MAPK10: variants seen among roughly 807,000 people sequenced by gnomAD.
The protein encoded by MAPK10 is JNK3 alpha protein kinase.
A neutral mutation model predicts 59.3 loss-of-function variants in MAPK10; 25 were observed. The observed-to-expected ratio is 0.42, with a 90% confidence interval of 0.31 to 0.59. The LOEUF (loss-of-function observed/expected upper bound fraction) is 0.59, where lower values mean the gene tolerates loss of function less well. Among genes scored for constraint, MAPK10 ranks in the 20% least tolerant of loss-of-function variants. The pLI, the probability that MAPK10 is intolerant of heterozygous loss-of-function variation, is 0.15. For synonymous variants in MAPK10, 190 were observed against 200.5 expected (o/e 0.95, Z 0.44); for missense variants, 351 against 568.9 (o/e 0.62, Z 3.90).
At chr4:86,108,323 G>A (rs374457183) in intron 4 of MAPK10, among the ~76,000 whole-genome samples, 1 of 152,074 alleles carries the variant, frequency 6.6e-6, no homozygotes, top group Non-Finnish European at 1.5e-5. Flanking sequence ...ACCTAATGAT[G>A]CACTCACAAA....
Position 86,017,495 on chromosome 4 carries a change from C to T in MAPK10, c.1253-125G>A, listed in dbSNP as rs1395508174. The T allele has an allele frequency of 3.0e-6, 3 of 998,196 alleles. No individual in the cohort carries two copies. The Admixed American group carries it at 6.4e-5, about 21-fold the overall frequency. The allele number at this position is 998,196 out of a possible 1,614,324, so 61.8% of individuals were successfully genotyped here. A position where few individuals can be genotyped will look rare whatever the true frequency, so the allele number is the denominator to read the frequency against. The stretch of plus-strand genomic sequence containing the variant: ...CCAGTCCATCAATCATTTGGCAAGC[C>T]TTTATAGAGCAGCTGACATAGGGGA... On this transcript the variant is annotated intron_variant, in intron 13 of 13. Coordinates refer to ENST00000641462, the MANE Select transcript of MAPK10 (RefSeq NM_138982.4). The surrounding 1 kb of genome is among the most constrained non-coding windows in gnomAD (Gnocchi z 4.4).
intron 1 of MAPK10, among the ~76,000 whole-genome samples, chr4:86,584,771 A>C (rs1050592162): frequency 1.3e-5 from 2 of 152,108 alleles, no homozygotes; most frequent in African/African-American, 4.8e-5. Context: ...ATGTAACTGG[A>C]ATCTAGTTTG....
chr4:86,245,462 C>T (rs1329743875), intron 2 of MAPK10, among the ~76,000 whole-genome samples: 1 of 151,910 alleles, frequency 6.6e-6, no homozygotes, highest in East Asian at 1.9e-4. Flanking sequence ...CAGATGCACG[C>T]CATCACACCT....
At chr4:86,516,347 C>T (rs1756659383) in intron 1 of MAPK10, among the ~76,000 whole-genome samples, 2 of 151,902 alleles carry the variant, frequency 1.3e-5, no homozygotes, top group Admixed American at 1.3e-4. Flanking sequence ...TTTATTTAGT[C>T]TTGCTTTGGA....
chr4:86,546,384 C>A (rs1389164331), intron 1 of MAPK10, among the ~76,000 whole-genome samples: 4 of 147,940 alleles, frequency 2.7e-5, no homozygotes, highest in Non-Finnish European at 1.5e-5. Context: ...CCTGTCTCTA[C>A]TAAAAATACA....
intron 13 of MAPK10, chr4:86,027,727 A>G (rs1303349314): frequency 2.6e-5 from 4 of 152,262 alleles, no homozygotes; most frequent in Non-Finnish European, 5.9e-5. Flanking sequence ...CACAGCACCC[A>G]GGCACTACAT....
intron 4 of MAPK10, among the ~76,000 whole-genome samples, chr4:86,116,082 A>G (rs988637859): frequency 6.6e-6 from 1 of 152,266 alleles, no homozygotes; most frequent in Non-Finnish European, 1.5e-5. Flanking sequence ...CTCAAAGACA[A>G]GAACTAAATC....
chr4:86,194,412 AG>A lies in MAPK10; in HGVS notation c.-6-6del. On this transcript the variant is annotated splice_polypyrimidine_tract_variant and splice_region_variant and intron_variant, in intron 2 of 13. Transcript: ENST00000641462. Reference sequence around the variant, plus strand: ...GAAATGGAGGCTCATAAATACCTAGAGGAAAAAGAAATGGAGCATAAATTTT... The same window carrying A: ...GAAATGGAGGCTCATAAATACCTAGAGAAAAAGAAATGGAGCATAAATTTT... 1 of 1,518,340 alleles carries A rather than the reference AG, an allele frequency of 6.6e-7. No homozygotes were observed. The highest frequency in any genetic ancestry group is 9.1e-7 in the Non-Finnish European group (1 of 1,093,684). 94.1% of individuals were successfully genotyped at this position (1,518,340 alleles called of 1,614,324 possible).
chr4:86,279,886 A>T (rs890426375), intron 2 of MAPK10, among the ~76,000 whole-genome samples: 1 of 152,204 alleles, frequency 6.6e-6, no homozygotes, highest in African/African-American at 2.4e-5. Context: ...CTGGATCTCC[A>T]GTGCTCCTGC....
intron 11 of MAPK10, among the ~76,000 whole-genome samples, chr4:86,056,952 T>C (rs944619530): frequency 6.8e-6 from 1 of 146,670 alleles, no homozygotes; most frequent in African/African-American, 2.6e-5. Context: ...ATTTATTTTA[T>C]TTTATTTTAT....
intron 4 of MAPK10, among the ~76,000 whole-genome samples, chr4:86,136,972 C>A (rs954715521): frequency 6.6e-6 from 1 of 152,132 alleles, no homozygotes; most frequent in African/African-American, 2.4e-5. Context: ...ATCAATTCAA[C>A]AAGAAGAGCT....
intron 1 of MAPK10, among the ~76,000 whole-genome samples, chr4:86,470,627 T>C (rs1030687428): frequency 5.3e-5 from 8 of 152,182 alleles, no homozygotes; most frequent in African/African-American, 1.7e-4. Context: ...TCTCCCCTAT[T>C]TTTTCTTCCT....
At chr4:86,383,320 A>C (rs1741018055) in intron 1 of MAPK10, among the ~76,000 whole-genome samples, 1 of 152,112 alleles carries the variant, frequency 6.6e-6, no homozygotes, top group Non-Finnish European at 1.5e-5. Context: ...GGGCTGTGTG[A>C]CTGGGGCAAG....
At chr4:86,100,991 A>C (rs1363566403) in intron 8 of MAPK10, 61 bp downstream of exon 8, 1 of 1,430,314 alleles carries the variant, frequency 7.0e-7, no homozygotes, top group Admixed American at 1.7e-5. Flanking sequence ...CCCCTTGGCT[A>C]TCTACAACGT....
At chr4:86,513,323 T>C (rs1008795988) in intron 1 of MAPK10, among the ~76,000 whole-genome samples, 2 of 152,146 alleles carry the variant, frequency 1.3e-5, no homozygotes, top group South Asian at 4.1e-4. Flanking sequence ...GTTAGGAATA[T>C]AGGCATGAAC....
intron 1 of MAPK10, among the ~76,000 whole-genome samples, chr4:86,495,679 A>G (rs1754819840): frequency 2.0e-5 from 3 of 152,214 alleles, no homozygotes; most frequent in Non-Finnish European, 4.4e-5. Flanking sequence ...TATTTTAAAT[A>G]TCTTTTAATT....
chr4:86,195,537 G>A (rs2149318735), intron 2 of MAPK10, among the ~76,000 whole-genome samples: 1 of 152,236 alleles, frequency 6.6e-6, no homozygotes. Flanking sequence ...GCCGTCTGCT[G>A]ATGTCTGATG....
chr4:86,394,760 A>T (rs1012130636), intron 1 of MAPK10, among the ~76,000 whole-genome samples: 1 of 152,120 alleles, frequency 6.6e-6, no homozygotes, highest in African/African-American at 2.4e-5. Flanking sequence ...GTGAAGTGAG[A>T]TTTGGATCTA....
At chr4:86,216,734 T>C (rs993605808) in intron 2 of MAPK10, among the ~76,000 whole-genome samples, 5 of 152,026 alleles carry the variant, frequency 3.3e-5, no homozygotes, top group Non-Finnish European at 5.9e-5. Context: ...ATGACACAGA[T>C]ACATGTTCAT....
Sources: allele counts gnomAD v4.1 joint callset (sites outside exome capture counted in the v4.1 genomes callset), GRCh38; gene constraint gnomAD v4.1.1; non-coding constraint Gnocchi (gnomAD v3.1); transcripts MANE v1.5; gene names NCBI Gene and HGNC (gene_info 2026-07-23, HGNC 2026-07-21).